The following OSBPL10 variants were observed in gnomAD, a reference collection of about 807,000 sequenced individuals.
The protein encoded by OSBPL10 is oxysterol binding protein like 10.
A neutral mutation model predicts 81.7 loss-of-function variants in OSBPL10; 49 were observed. The observed-to-expected ratio is 0.60, with a 90% CI of 0.48 to 0.76. The LOEUF (loss-of-function observed/expected upper bound fraction) is 0.76, where lower values mean the gene tolerates loss of function less well. Ranked by LOEUF, OSBPL10 falls within the 30% of genes least tolerant of loss-of-function variation. OSBPL10 has a pLI of 0.00. For synonymous variants in OSBPL10, 419 were observed against 383.6 expected, an observed-to-expected ratio of 1.09 and a Z score of -1.08; for missense variants, 923 against 987.8, an observed-to-expected ratio of 0.93 and a Z score of 0.88.
At chr3:31,875,860 T>C (rs1701458283) in intron 3 of OSBPL10, among the ~76,000 whole-genome samples, 1 of 152,192 alleles carries the variant, frequency 6.6e-6, no homozygotes, top group African/African-American at 2.4e-5. Context: ...AATTGTTTCC[T>C]GTATTTTAAT....
chr3:31,789,358 G>C (rs1478050594), intron 4 of OSBPL10, among the ~76,000 whole-genome samples: 1 of 152,188 alleles, frequency 6.6e-6, no homozygotes, highest in Non-Finnish European at 1.5e-5. Flanking sequence ...ACACTACCAA[G>C]GGGTCTTTCT....
chr3:31,739,055 G>T (rs535281255), intron 5 of OSBPL10, among the ~76,000 whole-genome samples: 1 of 152,164 alleles, frequency 6.6e-6, no homozygotes, highest in East Asian at 1.9e-4. Context: ...TCAAGATAAA[G>T]GGTAATTTTT....
intron 1 of OSBPL10, among the ~76,000 whole-genome samples, chr3:31,932,436 T>TAATA (rs201166203): frequency 1.3e-5 from 2 of 152,114 alleles, no homozygotes; most frequent in Non-Finnish European, 2.9e-5. Context: ...TCTAACAATA[T>TAATA]AATAAATAAA....
intron 6 of OSBPL10, among the ~76,000 whole-genome samples, chr3:31,727,086 A>T (rs1056607503): frequency 4.0e-5 from 6 of 151,736 alleles, no homozygotes; most frequent in African/African-American, 1.2e-4. Flanking sequence ...TCCTGCTTTG[A>T]CCTCCTAAAA....
At chr3:31,883,403 AT>A (rs1288719512) in intron 1 of OSBPL10, among the ~76,000 whole-genome samples, 5 of 150,556 alleles carry the variant, frequency 3.3e-5, no homozygotes, top group African/African-American at 4.9e-5. Flanking sequence ...CGCCCAGCTA[AT>A]TTTTTTTGTA....
At chr3:31,952,432 G>A (rs115314027) in intron 1 of OSBPL10, among the ~76,000 whole-genome samples, 9,958 of 152,126 alleles carry the variant, frequency 0.065, 656 homozygotes, top group African/African-American at 0.17. Flanking sequence ...CGTATCCCTC[G>A]TCACGCTCCG....
chr3:31,904,573 C>T (rs909296482), intron 1 of OSBPL10, among the ~76,000 whole-genome samples: 1 of 152,142 alleles, frequency 6.6e-6, no homozygotes, highest in Non-Finnish European at 1.5e-5. Flanking sequence ...CAAGCCTCCA[C>T]ACAACATGAT....
intron 4 of OSBPL10, among the ~76,000 whole-genome samples, chr3:31,811,306 C>G (rs1387833420): frequency 1.3e-5 from 2 of 152,188 alleles, no homozygotes; most frequent in East Asian, 1.9e-4. Context: ...GGGCGGGGCC[C>G]TTTGATGAGG....
intron 8 of OSBPL10, among the ~76,000 whole-genome samples, 163 bp from the exon 9 acceptor site, chr3:31,671,146 C>T (rs576615578): frequency 7.9e-4 from 121 of 152,280 alleles, no homozygotes; most frequent in Non-Finnish European, 1.0e-3. Context: ...CTACTGTGTG[C>T]AAGGCACTGA....
chr3:31,768,718 C>G (rs1270724608), intron 4 of OSBPL10, among the ~76,000 whole-genome samples: 2 of 152,194 alleles, frequency 1.3e-5, no homozygotes, highest in Non-Finnish European at 2.9e-5. Flanking sequence ...CTCTGTGCCA[C>G]CCCAACGCAT....
intron 4 of OSBPL10, among the ~76,000 whole-genome samples, chr3:31,797,382 A>G (rs1305972813): frequency 6.6e-6 from 1 of 152,216 alleles, no homozygotes; most frequent in Non-Finnish European, 1.5e-5. Flanking sequence ...GTAAGATACT[A>G]AACTAATTCT....
At chr3:31,716,409 A>G (rs1696436035) in intron 6 of OSBPL10, among the ~76,000 whole-genome samples, 1 of 152,166 alleles carries the variant, frequency 6.6e-6, no homozygotes, top group South Asian at 2.1e-4. Context: ...AGCAAACTCT[A>G]TACCCACTGA....
At chr3:31,821,238 C>T (rs1699978043) in intron 4 of OSBPL10, among the ~76,000 whole-genome samples, 1 of 152,014 alleles carries the variant, frequency 6.6e-6, no homozygotes, top group Non-Finnish European at 1.5e-5. Context: ...TGTTGTTGTT[C>T]ACCTGAGATG....
intron 2 of OSBPL10, among the ~76,000 whole-genome samples, chr3:32,023,823 A>G (rs1037288127): frequency 1.3e-5 from 2 of 152,124 alleles, no homozygotes; most frequent in African/African-American, 4.8e-5. Flanking sequence ...TTTTTTCTAT[A>G]CTGGCATTTC....
rs1559535478 is a variant in OSBPL10, at chr3:31,965,885, TAAC to T, written c.281+15011_281+15013del. Among the ~76,000 whole-genome samples the T allele has an allele frequency of 3.3e-5, 3 of 90,224 alleles. 1 individual carries two copies. Among genetic ancestry groups the T allele is most frequent in the East Asian group, 7.8e-4 (2 of 2,570 alleles). 59.2% of individuals were successfully genotyped at this position (90,224 alleles called of 152,430 possible). On this transcript the variant is annotated intron_variant, in intron 1 of 11. Coordinates refer to ENST00000396556, the MANE Select transcript of OSBPL10 (RefSeq NM_017784.5). Reference sequence around the variant, plus strand: ...TATAATACATATTATATAAAATAGATAACATATATTATATATTATATAAAATAG... The same window carrying T: ...TATAATACATATTATATAAAATAGATATATATTATATATTATATAAAATAG...
intron 1 of OSBPL10, among the ~76,000 whole-genome samples, chr3:31,948,240 G>A (rs1041267129): frequency 6.6e-6 from 1 of 152,182 alleles, no homozygotes. Flanking sequence ...TAGAAGTCCA[G>A]CAGAACAATA....
intron 6 of OSBPL10, among the ~76,000 whole-genome samples, chr3:31,731,892 C>G (rs1389384293): frequency 6.6e-6 from 1 of 152,058 alleles, no homozygotes; most frequent in Non-Finnish European, 1.5e-5. Flanking sequence ...AACAACAGAC[C>G]TGGCCTCAAA....
At chr3:31,941,801 T>C (rs1261046629) in intron 1 of OSBPL10, among the ~76,000 whole-genome samples, 1 of 152,226 alleles carries the variant, frequency 6.6e-6, no homozygotes. Context: ...AGAATATAAG[T>C]AAAGATCTTC....
chr3:31,667,563 A>G (rs554785728), intron 10 of OSBPL10, among the ~76,000 whole-genome samples: 4 of 152,380 alleles, frequency 2.6e-5, no homozygotes, highest in Non-Finnish European at 5.9e-5. Flanking sequence ...AAGCTTTCAT[A>G]AAATCATTTG....
Sources: allele counts gnomAD v4.1 joint callset (sites outside exome capture counted in the v4.1 genomes callset), GRCh38; gene constraint gnomAD v4.1.1; transcripts MANE v1.5; gene names NCBI Gene and HGNC (gene_info 2026-07-23, HGNC 2026-07-21).